Variants in SPATA13 observed in about 807,000 individuals in gnomAD.
SPATA13 encodes the protein spermatogenesis-associated protein 13.
In SPATA13, 50 loss-of-function variants were observed where a neutral mutation model predicts 104.0. The observed-to-expected ratio is 0.48, with a 90% confidence interval of 0.38 to 0.61. The LOEUF is 0.61. Among genes scored for constraint, SPATA13 ranks in the 20% least tolerant of loss-of-function variants. SPATA13 has a pLI of 0.00. For missense variants in SPATA13, 1,524 were observed against 1,690.6 expected (o/e 0.90, Z 1.73); for synonymous variants, 606 against 667.5 (o/e 0.91, Z 1.42).
intron 3 of SPATA13, among the ~76,000 whole-genome samples, chr13:24,056,337 C>T (rs1878541835): frequency 6.6e-6 from 1 of 152,208 alleles, no homozygotes; most frequent in African/African-American, 2.4e-5. Context: ...AAGGGGTGGA[C>T]AGGCAAAGGT....
At chr13:24,054,522 T>C (rs1878470095) in intron 3 of SPATA13, among the ~76,000 whole-genome samples, 1 of 152,068 alleles carries the variant, frequency 6.6e-6, no homozygotes, top group South Asian at 2.1e-4. Flanking sequence ...AGCTGTCTAA[T>C]GTGCAAACCA....
At chr13:24,248,396 A>G (rs1204652123) in intron 2 of SPATA13, among the ~76,000 whole-genome samples, 1 of 152,268 alleles carries the variant, frequency 6.6e-6, no homozygotes, top group Non-Finnish European at 1.5e-5. Context: ...GGCCAGACAC[A>G]GTGACTGAAC....
chr13:24,076,919 GAT>G (rs1271529259), intron 3 of SPATA13, among the ~76,000 whole-genome samples: 2 of 152,022 alleles, frequency 1.3e-5, no homozygotes, highest in Non-Finnish European at 2.9e-5. Flanking sequence ...CATTGCAGCA[GAT>G]CGGCTCTTCA....
chr13:24,160,433 G>T (rs996125998), upstream of SPATA13, among the ~76,000 whole-genome samples: 1 of 152,000 alleles, frequency 6.6e-6, no homozygotes, highest in Non-Finnish European at 1.5e-5. Flanking sequence ...TATTAGAGAC[G>T]GGGTTTCACC....
At chr13:24,267,519 T>A (rs1249379333) in intron 4 of SPATA13, among the ~76,000 whole-genome samples, 2 of 152,192 alleles carry the variant, frequency 1.3e-5, no homozygotes, top group African/African-American at 4.8e-5. Context: ...TTGTACCGGA[T>A]GCCGATGAAA....
chr13:24,173,494 T>C (rs1593380727), intron 1 of SPATA13, among the ~76,000 whole-genome samples: 2 of 145,204 alleles, frequency 1.4e-5, no homozygotes, highest in African/African-American at 5.2e-5. Context: ...CGCCTTTTAT[T>C]CCCCCCCGTC....
chr13:24,051,995 C>T lies in SPATA13; in HGVS notation c.-112+34294C>T, dbSNP rs1021686247. The stretch of plus-strand genomic sequence containing the variant: ...CACCTCATCTGTGCACCTTGCCAGT[C>T]CTTTGGCTTCCTCTGCGTGCACTGA... On this transcript the variant is annotated intron_variant, in intron 3 of 14. Coordinates refer to the SPATA13 transcript ENST00000424834. The surrounding 1 kb of genome is among the most constrained non-coding windows in gnomAD (Gnocchi z 4.2). Among the ~76,000 whole-genome samples, 2 of 152,182 alleles carry T rather than the reference C, an allele frequency of 1.3e-5. No homozygotes were observed. Among genetic ancestry groups the T allele is most frequent in the African/African-American group, 4.8e-5 (2 of 41,434 alleles).
chr13:24,096,239 A>G (rs1380029034), intron 3 of SPATA13, among the ~76,000 whole-genome samples: 2 of 152,212 alleles, frequency 1.3e-5, no homozygotes, highest in African/African-American at 4.8e-5. Context: ...GAGGATATCA[A>G]CATTAAATAA....
intron 2 of SPATA13, among the ~76,000 whole-genome samples, chr13:24,017,427 G>A (rs1390136436): frequency 5.3e-5 from 8 of 152,072 alleles, no homozygotes; most frequent in Non-Finnish European, 1.2e-4. Context: ...AAATCTCTTG[G>A]GCAGAGCTTT....
chr13:24,208,632 G>A (rs1870844138), intron 1 of SPATA13, among the ~76,000 whole-genome samples: 1 of 152,146 alleles, frequency 6.6e-6, no homozygotes, highest in Non-Finnish European at 1.5e-5. Context: ...CTTGTCCAGA[G>A]GGTTCCCAGA....
chr13:23,988,841 C>T lies in SPATA13; in HGVS notation c.-147+4908C>T, dbSNP rs548222828. On this transcript the variant is annotated intron_variant, in intron 2 of 14. Transcript: ENST00000424834. ...TCGGGCTGTTGGGTTTTTCTCCCCCCTCTTCTTTATATTGGCTGTTGTTGA... is the reference window on the plus strand; with the variant it reads ...TCGGGCTGTTGGGTTTTTCTCCCCCTTCTTCTTTATATTGGCTGTTGTTGA... Among the ~76,000 whole-genome samples, 4 of 152,318 alleles carry T rather than the reference C, an allele frequency of 2.6e-5. No homozygotes were observed. The South Asian group carries it at 8.3e-4, about 32-fold the overall frequency.
At chr13:24,002,461 G>C (rs1876023388) in intron 2 of SPATA13, among the ~76,000 whole-genome samples, 1 of 152,166 alleles carries the variant, frequency 6.6e-6, no homozygotes, top group Non-Finnish European at 1.5e-5. Flanking sequence ...CACTCTGGGG[G>C]AAGGAGTAGA....
chr13:24,298,027 AT>A (rs1287326294), intron 11 of SPATA13, among the ~76,000 whole-genome samples: 3 of 152,192 alleles, frequency 2.0e-5, no homozygotes, highest in Non-Finnish European at 4.4e-5. Context: ...GGTTGCTGTT[AT>A]TATACCCAAT....
At chr13:24,059,770 G>C (rs186880829) in intron 3 of SPATA13, among the ~76,000 whole-genome samples, 3 of 152,000 alleles carry the variant, frequency 2.0e-5, no homozygotes, top group Non-Finnish European at 4.4e-5. Flanking sequence ...GCGTTTCCTG[G>C]ATAAGATCAT....
rs1307441643 is a variant in SPATA13 at position 24,011,618 on chromosome 13, C to T, written c.-146-6049C>T. Among the ~76,000 whole-genome samples, 1 of 152,220 alleles carries T rather than the reference C, an allele frequency of 6.6e-6. No homozygotes were observed. The highest frequency in any genetic ancestry group is 1.5e-5 in the Non-Finnish European group (1 of 68,036). Reference sequence around the variant, plus strand: ...GTCCCATGCACCAGGACCCTCAGATCCACCAACAAGGCACTGGCCCTGTCT... The same window carrying T: ...GTCCCATGCACCAGGACCCTCAGATTCACCAACAAGGCACTGGCCCTGTCT... On this transcript the variant is annotated intron_variant, in intron 2 of 14. Coordinates refer to the SPATA13 transcript ENST00000424834. This position sits in a 1 kb window ranked among gnomAD's most constrained non-coding sequence, Gnocchi z 4.3.
At chr13:24,198,243 T>A (rs1870195517) in intron 1 of SPATA13, among the ~76,000 whole-genome samples, 1 of 151,994 alleles carries the variant, frequency 6.6e-6, no homozygotes, top group Admixed American at 6.6e-5. Flanking sequence ...TCTGCCCCCC[T>A]TGGCCTCCCA....
At position 24,134,083 on chromosome 13, in the gene SPATA13, C is replaced by G. The variant is rs182737606; in HGVS notation, c.-111-88736C>G. Among the ~76,000 whole-genome samples, 491 of 152,226 alleles carry G rather than the reference C, an allele frequency of 3.2e-3. 1 individual carries two copies. The highest frequency in any genetic ancestry group is 0.011 in the African/African-American group (458 of 41,528). On this transcript the variant is annotated intron_variant, in intron 3 of 14. Coordinates refer to the SPATA13 transcript ENST00000424834. The stretch of plus-strand genomic sequence containing the variant: ...AGGAAGATGTAGCAAATGGTCCAAA[C>G]GGAGTGACAAGGTAGAATGGTACCC...
At chr13:24,162,163 C>T (rs1487533810) in intron 1 of SPATA13, among the ~76,000 whole-genome samples, 2 of 152,188 alleles carry the variant, frequency 1.3e-5, no homozygotes, top group Admixed American at 1.3e-4. Context: ...TCTCATCTAC[C>T]TCCCTTGGCC....
At chr13:24,112,458 T>C (rs1880673841) in intron 3 of SPATA13, among the ~76,000 whole-genome samples, 1 of 152,180 alleles carries the variant, frequency 6.6e-6, no homozygotes, top group Admixed American at 6.5e-5. Context: ...TGTTCATCCT[T>C]GTACTTCCCA....
Sources: allele counts gnomAD v4.1 joint callset (sites outside exome capture counted in the v4.1 genomes callset), GRCh38; gene constraint gnomAD v4.1.1; non-coding constraint Gnocchi (gnomAD v3.1); transcripts MANE v1.5; gene names NCBI Gene and HGNC (gene_info 2026-07-23, HGNC 2026-07-21).